The following MMS19 variants were observed in gnomAD, a reference collection of about 807,000 sequenced individuals.
The protein encoded by MMS19 is MMS19 cytosolic iron-sulfur assembly component.
Under a neutral mutation model 129.8 loss-of-function variants are expected in MMS19, and 77 were observed. That is an observed-to-expected ratio of 0.59 (90% CI 0.49 to 0.72). MMS19 has a LOEUF of 0.72. MMS19 is among the 30% of genes least tolerant of loss of function. MMS19 has a pLI of 0.00. For missense variants in MMS19, 1,168 were observed against 1,266.3 expected (o/e 0.92, Z 1.18); for synonymous variants, 491 against 502.8 (o/e 0.98, Z 0.31).
rs2039934737 is a variant in MMS19 at position 97,497,034 on chromosome 10, T to TTACAA, written c.112+1238_112+1239insTTGTA. ...AATGACATTGGTAAGACACTGTACT[T>TTACAA]GTAAATTGTAAACACTGATAACACA... On this transcript the variant is annotated intron_variant, in intron 1 of 30. Coordinates refer to ENST00000438925, the MANE Select transcript of MMS19 (RefSeq NM_022362.5). 2.6e-5 allele frequency among the ~76,000 whole-genome samples: 4 copies of TTACAA among 152,336 alleles called. No individual in the cohort carries two copies. The South Asian group carries it at 8.3e-4, about 32-fold the overall frequency.
intron 6 of MMS19, 57 bp from the exon 7 acceptor site, chr10:97,477,020 T>C: frequency 6.2e-7 from 1 of 1,608,408 alleles, no homozygotes; most frequent in Non-Finnish European, 8.5e-7. Context: ...AGTGTGGGCT[T>C]TCTCCTAGCC....
At chr10:97,478,010 T>A in intron 4 of MMS19, 81 bp from the exon 5 acceptor site, 1 of 871,592 alleles carries the variant, frequency 1.1e-6, no homozygotes, top group South Asian at 1.7e-5. Flanking sequence ...CAGGCCTAAT[T>A]AGCTACTGTA....
chr10:97,473,126 C>T (rs2035073171), intron 8 of MMS19, among the ~76,000 whole-genome samples: 1 of 151,940 alleles, frequency 6.6e-6, no homozygotes, highest in African/African-American at 2.4e-5. Context: ...ACCTCCGCCT[C>T]CCAGGTTCAA....
chr10:97,483,337 A>G (rs2037226472), intron 2 of MMS19, among the ~76,000 whole-genome samples: 1 of 152,136 alleles, frequency 6.6e-6, no homozygotes, highest in Non-Finnish European at 1.5e-5. Context: ...CACAGGTATG[A>G]GCCACTGCAC....
Position 97,468,899 on chromosome 10 carries a change from G to A in MMS19, c.1063+67C>T, listed in dbSNP as rs1194262705. The A allele has an allele frequency of 1.9e-5, 28 of 1,511,660 alleles. No individual in the cohort carries two copies. In the East Asian group the frequency reaches 2.7e-4, roughly 15 times the overall value. The allele number at this position is 1,511,660 out of a possible 1,614,324, so 93.6% of individuals were successfully genotyped here. On this transcript the variant is annotated intron_variant, in intron 12 of 30. Transcript: ENST00000438925. ...GCAGGGATTACAGGCGTGAGCCACCGCACCCAGGCAAGGAATGTCGTTTCT... is the reference window on the plus strand; with the variant it reads ...GCAGGGATTACAGGCGTGAGCCACCACACCCAGGCAAGGAATGTCGTTTCT...
At chr10:97,464,480 A>C (rs1275949830) in intron 18 of MMS19, among the ~76,000 whole-genome samples, 3 of 152,116 alleles carry the variant, frequency 2.0e-5, no homozygotes, top group Non-Finnish European at 2.9e-5. Flanking sequence ...TCACTTTTGC[A>C]TTGGAGCAGT....
Position 97,458,903 on chromosome 10 carries a change from G to C in MMS19, c.2965-3C>G. 2 of 1,613,952 alleles carry C rather than the reference G, an allele frequency of 1.2e-6. No homozygotes were observed. Among genetic ancestry groups the C allele is most frequent in the Non-Finnish European group, 1.7e-6 (2 of 1,179,832 alleles). On this transcript the variant is annotated splice_region_variant and splice_polypyrimidine_tract_variant and intron_variant, in intron 29 of 30. Transcript: ENST00000438925. ...ACCTGTGGTTTGTACGGCAGCAGCT[G>C]TGGAGTCAGAGGATATAATCAACCT... is the stretch of plus-strand genomic sequence containing the variant.
At position 97,476,857 on chromosome 10, in the gene MMS19, G is replaced by A. The variant is rs779459324; in HGVS notation, c.600C>T (p.Leu200=). Residue 200 remains leucine (L), a synonymous_variant, in exon 7 of 31, where the codon CTC becomes CTT. Transcript: ENST00000438925. ...LLVAFRIVHD[L]ISRDYSLGPF... ...TACCCAGGCTATAGTCCCTGGAGAT[G>A]AGGTCATGGACGATGCGGAAGGCCA... 6.2e-7 allele frequency: 1 copy of A among 1,614,014 alleles called. No homozygotes were observed. The highest frequency in any genetic ancestry group is 8.5e-7 in the Non-Finnish European group (1 of 1,179,886).
chr10:97,479,721 A>G (rs973727980), intron 3 of MMS19, among the ~76,000 whole-genome samples: 3 of 152,126 alleles, frequency 2.0e-5, no homozygotes, highest in African/African-American at 7.3e-5. Context: ...TTTGTGAACT[A>G]TATCAGTAGT....
chr10:97,489,936 T>C (rs1354269616), intron 1 of MMS19, among the ~76,000 whole-genome samples: 1 of 152,202 alleles, frequency 6.6e-6, no homozygotes, highest in African/African-American at 2.4e-5. Context: ...TGTTTATCAC[T>C]TGGTTAAGGT....
At position 97,458,553 on chromosome 10, in the gene MMS19, C is replaced by A. The variant is rs2030515887; in HGVS notation, c.*139G>T. 2 of 771,668 alleles carry A rather than the reference C, an allele frequency of 2.6e-6. No homozygotes were observed. Among genetic ancestry groups the A allele is most frequent in the South Asian group, 3.7e-5 (2 of 54,230 alleles). The allele number at this position is 771,668 out of a possible 1,614,324, so 47.8% of individuals were successfully genotyped here. The stretch of plus-strand genomic sequence containing the variant: ...CTCTTATGTTCTTTGTACAGCCATG[C>A]AACAGAGGCCTAGCATTTGTGCTGT... On this transcript the variant is annotated 3_prime_UTR_variant, in exon 31 of 31. Transcript: ENST00000438925.
At position 97,459,418 on chromosome 10, in the gene MMS19, GACTCA is replaced by G; in HGVS notation, c.2843_2847del (p.Met948ThrfsTer16). 6.2e-7 allele frequency: 1 copy of G among 1,608,264 alleles called. No homozygotes were observed. The highest frequency in any genetic ancestry group is 8.5e-7 in the Non-Finnish European group (1 of 1,177,376). On this transcript the variant is annotated frameshift_variant, in exon 28 of 31. Coordinates refer to ENST00000438925, the MANE Select transcript of MMS19 (RefSeq NM_022362.5). LOFTEE classifies it high-confidence loss of function. ...TTGGTGACGAGGGTGTCCACGTGAA[GACTCA>G]TGACTTGGGGTGCTTCCAGTAGAAG...
chr10:97,485,308 C>T (rs2037625990), intron 1 of MMS19, among the ~76,000 whole-genome samples: 1 of 151,498 alleles, frequency 6.6e-6, no homozygotes, highest in African/African-American at 2.4e-5. Context: ...TTTGTATTTT[C>T]TTTTCTTTTT....
intron 1 of MMS19, among the ~76,000 whole-genome samples, chr10:97,487,942 CAT>C (rs28987108): frequency 0.28 from 42,245 of 151,684 alleles, 6,091 homozygotes; most frequent in East Asian, 0.47. Flanking sequence ...CATGGCAAAA[CAT>C]GTGTGTGGTG....
At chr10:97,498,562 T>C (rs2040243630), upstream of MMS19, 1 of 693,542 alleles carries the variant, frequency 1.4e-6, no homozygotes, top group Non-Finnish European at 2.2e-6. Context: ...AATGGGGCGG[T>C]GGCACCGAGA....
chr10:97,460,540 C>T (rs921941968), intron 25 of MMS19, among the ~76,000 whole-genome samples, 155 bp downstream of exon 25: 1 of 152,054 alleles, frequency 6.6e-6, no homozygotes, highest in Non-Finnish European at 1.5e-5. Flanking sequence ...CTACTGTACT[C>T]CAGCCTGGGT....
intron 29 of MMS19, 72 bp downstream of exon 29, chr10:97,459,151 A>G (rs2030858904): frequency 1.3e-6 from 2 of 1,488,838 alleles, no homozygotes; most frequent in East Asian, 2.4e-5. Flanking sequence ...AGCCCACCTG[A>G]CTAAGGCAAA....
intron 8 of MMS19, among the ~76,000 whole-genome samples, chr10:97,473,931 C>T (rs2035260740): frequency 6.6e-6 from 1 of 151,656 alleles, no homozygotes; most frequent in South Asian, 2.1e-4. Context: ...TGGCTTGAGC[C>T]CAGGAATTCA....
In MMS19 at chr10:97,477,302, G is replaced by A; in HGVS notation, c.493+45C>T. 1.2e-6 allele frequency: 2 copies of A among 1,613,850 alleles called. 1 individual carries two copies. ...AGTCCTACTAATAGGGGAAAAAGTA[G>A]GATGTGCTTGCTTTTGACATTTCCC... On this transcript the variant is annotated intron_variant, in intron 6 of 30. Coordinates refer to ENST00000438925, the MANE Select transcript of MMS19 (RefSeq NM_022362.5).
Sources: gnomAD v4.1 joint callset for allele counts (sites outside exome capture counted in the v4.1 genomes callset) on GRCh38, gnomAD v4.1.1 for gene constraint, MANE v1.5 for transcripts, NCBI Gene and HGNC (gene_info 2026-07-23, HGNC 2026-07-21) for gene names.